Variants in PLPPR5 observed in about 807,000 individuals in gnomAD.
PLPPR5 encodes phospholipid phosphatase-related protein type 5.
In PLPPR5, 16 loss-of-function variants were observed where a neutral mutation model predicts 33.9. That is an observed-to-expected ratio of 0.47 (90% CI 0.32 to 0.72). The LOEUF (loss-of-function observed/expected upper bound fraction) is 0.72, where lower values mean the gene tolerates loss of function less well. Ranked by LOEUF, PLPPR5 falls within the 30% of genes least tolerant of loss-of-function variation. The pLI, the probability that PLPPR5 is intolerant of heterozygous loss-of-function variation, is 0.03. For missense variants in PLPPR5, 301 were observed against 406.7 expected (o/e 0.74, Z 2.23); for synonymous variants, 163 against 150.3 (o/e 1.08, Z -0.62).
At chr1:98,967,651 T>C (rs1252150262) in intron 1 of PLPPR5, among the ~76,000 whole-genome samples, 3 of 152,062 alleles carry the variant, frequency 2.0e-5, no homozygotes, top group African/African-American at 7.2e-5. Flanking sequence ...TTCACCTCAA[T>C]GTTATCATAC....
At chr1:98,923,514 T>C (rs1649647266) in intron 3 of PLPPR5, among the ~76,000 whole-genome samples, 1 of 151,970 alleles carries the variant, frequency 6.6e-6, no homozygotes, top group African/African-American at 2.4e-5. Context: ...CCAGTAATTA[T>C]CTTCTCTATT....
intron 3 of PLPPR5, among the ~76,000 whole-genome samples, chr1:98,923,651 C>T (rs977282654): frequency 5.3e-5 from 8 of 152,116 alleles, no homozygotes; most frequent in Admixed American, 4.6e-4. Flanking sequence ...CATCCCAGGT[C>T]TCAATACTCT....
At chr1:98,967,841 C>T (rs1651507009) in intron 1 of PLPPR5, among the ~76,000 whole-genome samples, 2 of 151,994 alleles carry the variant, frequency 1.3e-5, no homozygotes, top group Admixed American at 6.6e-5. Flanking sequence ...GTCGTATCTG[C>T]GATGGATTAG....
chr1:98,933,674 T>C (rs1233664131), intron 3 of PLPPR5, among the ~76,000 whole-genome samples: 1 of 152,084 alleles, frequency 6.6e-6, no homozygotes, highest in East Asian at 1.9e-4. Flanking sequence ...CATTTACATC[T>C]AGCTCCGAAA....
chr1:98,923,856 G>GC (rs1387913926), intron 3 of PLPPR5, among the ~76,000 whole-genome samples: 1 of 152,192 alleles, frequency 6.6e-6, no homozygotes, highest in African/African-American at 2.4e-5. Context: ...AAAGAGTTCT[G>GC]CCCACATGAA....
At chr1:98,921,751 A>T in intron 4 of PLPPR5, 131 bp downstream of exon 4, 1 of 711,102 alleles carries the variant, frequency 1.4e-6, no homozygotes, top group Non-Finnish European at 2.2e-6. Flanking sequence ...GATTTGTTTT[A>T]TATACTTAAA....
chr1:98,958,933 G>C (rs1258265873), intron 1 of PLPPR5, among the ~76,000 whole-genome samples: 2 of 152,016 alleles, frequency 1.3e-5, no homozygotes, highest in Non-Finnish European at 2.9e-5. Context: ...TCCATCCCCT[G>C]GCAGGCCCCA....
chr1:98,950,010 C>T (rs975463554), intron 3 of PLPPR5, among the ~76,000 whole-genome samples: 2 of 152,326 alleles, frequency 1.3e-5, no homozygotes, highest in Admixed American at 6.5e-5. Context: ...CTACCATCTG[C>T]ACCCTTGGCT....
At chr1:98,932,597 A>G (rs1175419376) in intron 3 of PLPPR5, among the ~76,000 whole-genome samples, 2 of 152,228 alleles carry the variant, frequency 1.3e-5, no homozygotes, top group African/African-American at 4.8e-5. Flanking sequence ...TTAGGTGTGT[A>G]GTAGTTACTA....
chr1:98,928,391 T>C (rs1649839366), intron 3 of PLPPR5, among the ~76,000 whole-genome samples: 1 of 151,742 alleles, frequency 6.6e-6, no homozygotes, highest in African/African-American at 2.4e-5. Flanking sequence ...ACACTGGATT[T>C]AGAAAATTTT....
chr1:98,977,701 T>G (rs1333569200), intron 1 of PLPPR5, among the ~76,000 whole-genome samples: 1 of 151,486 alleles, frequency 6.6e-6, no homozygotes, highest in African/African-American at 2.4e-5. Flanking sequence ...ATGTTTTTAT[T>G]CAGGTTAATT....
intron 1 of PLPPR5, among the ~76,000 whole-genome samples, chr1:98,995,919 C>G (rs1048219066): frequency 6.6e-6 from 1 of 152,004 alleles, no homozygotes; most frequent in Non-Finnish European, 1.5e-5. Context: ...AACCTAAAAG[C>G]TGGGCATGAC....
intron 3 of PLPPR5, among the ~76,000 whole-genome samples, chr1:98,950,907 T>C (rs946844542): frequency 1.3e-5 from 2 of 152,056 alleles, no homozygotes; most frequent in Non-Finnish European, 2.9e-5. Flanking sequence ...TGGGATCTCC[T>C]AGGTTGCCTA....
chr1:98,969,844 G>A (rs1274973089), intron 1 of PLPPR5, among the ~76,000 whole-genome samples: 1 of 152,002 alleles, frequency 6.6e-6, no homozygotes, highest in East Asian at 1.9e-4. Flanking sequence ...TCACCTGTAA[G>A]TGCCCTGCCA....
At chr1:98,986,403 A>C (rs2100756654) in intron 1 of PLPPR5, among the ~76,000 whole-genome samples, 1 of 152,000 alleles carries the variant, frequency 6.6e-6, no homozygotes. Flanking sequence ...GTTTTCACTA[A>C]AACTTAAGGT....
At chr1:98,998,290 C>T (rs1652699170) in intron 1 of PLPPR5, among the ~76,000 whole-genome samples, 1 of 152,218 alleles carries the variant, frequency 6.6e-6, no homozygotes, top group South Asian at 2.1e-4. Context: ...CTCCACCTCT[C>T]CATATACCAC....
chr1:99,001,671 G>GATAGATATATATATATAT (rs1247519605), intron 1 of PLPPR5, among the ~76,000 whole-genome samples: 27 of 102,176 alleles, frequency 2.6e-4, no homozygotes, highest in East Asian at 7.4e-4. Context: ...GAAAGTTAAA[G>GATAGATATATATATATAT]ATATATATAT....
Position 98,914,844 on chromosome 1 carries a change from A to G in PLPPR5, c.875T>C (p.Met292Thr). 6.2e-7 allele frequency: 1 copy of G among 1,613,312 alleles called. No homozygotes were observed. The highest frequency in any genetic ancestry group is 8.5e-7 in the Non-Finnish European group (1 of 1,179,712). ...EHIHMDNLAQMPMISIPRVES... is the reference protein window; with the variant it reads ...EHIHMDNLAQTPMISIPRVES... ...TACTCGAGGAATGCTGATCATTGGC[A>G]TCTGTGCCAGATTATCCATGTGTAT... The change falls in exon 5 of 6, where the codon ATG becomes ACG. Residue 292 changes from methionine to threonine, a missense_variant. Physicochemically the swap from Met to Thr is moderately conservative, Grantham distance 81. Coordinates refer to ENST00000263177, the MANE Select transcript of PLPPR5 (RefSeq NM_001037317.2).
chr1:98,897,387 C>T (rs2101131975), intron 5 of PLPPR5, among the ~76,000 whole-genome samples: 1 of 152,272 alleles, frequency 6.6e-6, no homozygotes, highest in East Asian at 1.9e-4. Flanking sequence ...GATTTTGGCA[C>T]ACCTACAAAA....
Sources: allele counts gnomAD v4.1 joint callset (sites outside exome capture counted in the v4.1 genomes callset), GRCh38; gene constraint gnomAD v4.1.1; transcripts MANE v1.5; gene names NCBI Gene and HGNC (gene_info 2026-07-23, HGNC 2026-07-21).